Variants in GRM5 observed in about 807,000 individuals in gnomAD.
GRM5 encodes metabotropic glutamate receptor 5.
A neutral mutation model predicts 83.1 loss-of-function variants in GRM5; 19 were observed. That is an observed-to-expected ratio of 0.23 (90% CI 0.16 to 0.34). The LOEUF is 0.34. Ranked by LOEUF, GRM5 falls within the 10% of genes least tolerant of loss-of-function variation. GRM5 has a pLI of 1.00. For missense variants in GRM5, 1,160 were observed against 1,588.3 expected (o/e 0.73, Z 4.58); for synonymous variants, 675 against 633.6 (o/e 1.07, Z -0.98).
At chr11:88,948,575 T>C (rs1938353109) in intron 2 of GRM5, among the ~76,000 whole-genome samples, 1 of 152,216 alleles carries the variant, frequency 6.6e-6, no homozygotes, top group Admixed American at 6.5e-5. Context: ...ATGCAAGGGT[T>C]CAAGTTTGAG....
chr11:88,722,257 A>G (rs1941560292), intron 3 of GRM5, among the ~76,000 whole-genome samples: 1 of 152,146 alleles, frequency 6.6e-6, no homozygotes, highest in South Asian at 2.1e-4. Flanking sequence ...CTCCTCTAAA[A>G]CTGTGGAAAA....
intron 3 of GRM5, among the ~76,000 whole-genome samples, chr11:88,770,010 T>G (rs1184967108): frequency 1.3e-5 from 2 of 152,068 alleles, no homozygotes; most frequent in Non-Finnish European, 2.9e-5. Flanking sequence ...ATAAATCATG[T>G]TGATAGTATA....
intron 8 of GRM5, among the ~76,000 whole-genome samples, chr11:88,552,033 C>CTT (rs5793334): frequency 0.38 from 54,828 of 145,764 alleles, 11,139 homozygotes; most frequent in African/African-American, 0.54. Flanking sequence ...AATGTCACAT[C>CTT]TTTTTTTTTT....
At chr11:88,608,125 G>A (rs559780994) in intron 4 of GRM5, among the ~76,000 whole-genome samples, 26 of 152,262 alleles carry the variant, frequency 1.7e-4, no homozygotes, top group African/African-American at 6.3e-4. Context: ...TCTGAGCCTT[G>A]GGGGAGCAGC....
chr11:88,751,364 A>G (rs571946409), intron 3 of GRM5, among the ~76,000 whole-genome samples: 72 of 152,328 alleles, frequency 4.7e-4, no homozygotes, highest in South Asian at 3.5e-3. Flanking sequence ...GAAGAAACCG[A>G]TACATTTCTG....
At chr11:88,693,511 A>G (rs938126071) in intron 3 of GRM5, among the ~76,000 whole-genome samples, 8 of 152,198 alleles carry the variant, frequency 5.3e-5, no homozygotes, top group Non-Finnish European at 8.8e-5. Context: ...AGTATTCACC[A>G]TAAATACCGA....
At chr11:88,779,137 A>G (rs898199553) in intron 3 of GRM5, among the ~76,000 whole-genome samples, 1 of 152,216 alleles carries the variant, frequency 6.6e-6, no homozygotes, top group Non-Finnish European at 1.5e-5. Context: ...TGGTAAACAT[A>G]GTATTTAAAT....
chr11:88,757,503 C>T (rs926595153), intron 3 of GRM5, among the ~76,000 whole-genome samples: 46 of 152,172 alleles, frequency 3.0e-4, no homozygotes, highest in South Asian at 6.2e-4. Context: ...GTATGGATGA[C>T]GGTGGAACCA....
chr11:88,987,608 T>C (rs368384007), intron 2 of GRM5, among the ~76,000 whole-genome samples: 2,899 of 151,002 alleles, frequency 0.019, 95 homozygotes, highest in African/African-American at 0.068. Flanking sequence ...TTAAATGTCC[T>C]TGTCTGACAG....
Position 89,023,140 on chromosome 11 carries a change from A to AGTGTGT in GRM5, c.661+24066_661+24071dup, listed in dbSNP as rs61343398. ...GGGCATGAATGAAGTATATGCAAAG[A>AGTGTGT]GTGTGTGTGTGTGTGTGTGTGTGTG... On this transcript the variant is annotated intron_variant, in intron 2 of 9. Coordinates refer to ENST00000305447, the MANE Select transcript of GRM5 (RefSeq NM_001143831.3). Among the ~76,000 whole-genome samples, 1,403 of 146,826 alleles carry AGTGTGT rather than the reference A, an allele frequency of 9.6e-3. 18 individuals are homozygous for AGTGTGT. The highest frequency in any genetic ancestry group is 0.032 in the African/African-American group (1,233 of 38,590).
chr11:88,741,783 A>T (rs981886636), intron 3 of GRM5, among the ~76,000 whole-genome samples: 1 of 152,080 alleles, frequency 6.6e-6, no homozygotes. Context: ...CATGGAAAGC[A>T]GTAGTGGCTC....
At chr11:88,659,225 G>A (rs983832610) in intron 3 of GRM5, among the ~76,000 whole-genome samples, 6 of 152,144 alleles carry the variant, frequency 3.9e-5, no homozygotes, top group Admixed American at 1.3e-4. Flanking sequence ...CATGTCCTAG[G>A]CTGGACAGTA....
chr11:88,817,819 A>G (rs1217686278), intron 3 of GRM5, among the ~76,000 whole-genome samples: 2 of 152,144 alleles, frequency 1.3e-5, no homozygotes, highest in East Asian at 3.8e-4. Flanking sequence ...AGGTTTAAAT[A>G]AATTAAGTAA....
At chr11:88,831,957 C>A (rs556276532) in intron 3 of GRM5, among the ~76,000 whole-genome samples, 13 of 152,226 alleles carry the variant, frequency 8.5e-5, no homozygotes, top group African/African-American at 3.1e-4. Flanking sequence ...TTGGTGAGAC[C>A]CAGGCACATT....
chr11:88,936,235 G>T (rs1220985373), intron 2 of GRM5, among the ~76,000 whole-genome samples: 1 of 151,854 alleles, frequency 6.6e-6, no homozygotes, highest in African/African-American at 2.4e-5. Flanking sequence ...TTCCTTGCAG[G>T]ATGGTTGTAA....
intron 3 of GRM5, among the ~76,000 whole-genome samples, chr11:88,677,634 A>T (rs556534009): frequency 2.0e-5 from 3 of 152,250 alleles, no homozygotes; most frequent in African/African-American, 7.2e-5. Context: ...TTTTAATTAC[A>T]TAAGCTAATA....
chr11:89,060,521 T>G (rs2135171861), intron 1 of GRM5, among the ~76,000 whole-genome samples: 1 of 152,266 alleles, frequency 6.6e-6, no homozygotes, highest in African/African-American at 2.4e-5. Flanking sequence ...CCTTGTATTG[T>G]TGATATGATA....
rs571175863 is a variant in GRM5, at chr11:88,679,468, G to T, written c.912-26065C>A. Among the ~76,000 whole-genome samples the T allele has an allele frequency of 3.3e-5, 5 of 152,198 alleles. No individual in the cohort carries two copies. The South Asian group carries it at 1.0e-3, about 32-fold the overall frequency. On this transcript the variant is annotated intron_variant, in intron 3 of 9. Coordinates refer to ENST00000305447, the MANE Select transcript of GRM5 (RefSeq NM_001143831.3). ...ACATTGAAAATATGAATCTGAGAATGATGAGTCAAGCCTCTTTTGGTTGCA... is the reference window on the plus strand; with the variant it reads ...ACATTGAAAATATGAATCTGAGAATTATGAGTCAAGCCTCTTTTGGTTGCA...
At chr11:88,814,840 A>G (rs971067621) in intron 3 of GRM5, among the ~76,000 whole-genome samples, 1 of 152,228 alleles carries the variant, frequency 6.6e-6, no homozygotes, top group African/African-American at 2.4e-5. Flanking sequence ...CAGAATTGAA[A>G]TAAACATTAC....
Sources: allele counts gnomAD v4.1 joint callset (sites outside exome capture counted in the v4.1 genomes callset), GRCh38; gene constraint gnomAD v4.1.1; transcripts MANE v1.5; gene names NCBI Gene and HGNC (gene_info 2026-07-23, HGNC 2026-07-21).